FBXO44: variants seen among roughly 807,000 people sequenced by gnomAD.
FBXO44 encodes F-box protein 44.
In FBXO44, 25 loss-of-function variants were observed where a neutral mutation model predicts 33.5. The observed-to-expected ratio is 0.75, with a 90% confidence interval of 0.54 to 1.04. The LOEUF (loss-of-function observed/expected upper bound fraction) is 1.04. Ranked by LOEUF, FBXO44 falls within the 50% of genes least tolerant of loss-of-function variation. The probability of loss-of-function intolerance (pLI) is 0.00; values close to 1 mark genes in which losing one functional copy is unlikely to be tolerated. For synonymous variants in FBXO44, 147 were observed against 152.8 expected (o/e 0.96, Z 0.28); for missense variants, 311 against 344.0 (o/e 0.90, Z 0.76).
At position 11,656,054 on chromosome 1, in the gene FBXO44, C is replaced by A. The variant is rs1639768514; in HGVS notation, c.219C>A (p.Phe73Leu). The change falls in exon 2 of 6, where the codon TTC becomes TTA. Residue 73 changes from phenylalanine to leucine, a missense_variant. Physicochemically the swap from Phe to Leu is conservative, Grantham distance 22 (BLOSUM62 0). Coordinates refer to ENST00000251547, the MANE Select transcript of FBXO44 (RefSeq NM_033182.7). ...TGGCCGACTGGAAGATCTTCTACTT[C>A]TTACGGAGCCTGCACAGGAACCTCC... The part of the protein sequence containing the change: ...QPVADWKIFY[F>L]LRSLHRNLLH... The A allele has an allele frequency of 6.2e-7, 1 of 1,614,072 alleles. No homozygotes were observed. The highest frequency in any genetic ancestry group is 8.5e-7 in the Non-Finnish European group (1 of 1,180,044).
rs777698610 is a variant in FBXO44, at chr1:11,658,308, G to T, written c.307G>T (p.Glu103Ter). ...FWSLDVNGGD[E>*]WKVEDLSRDQ... ...GAGCCTGGATGTGAATGGAGGCGAT[G>T]AGTGGAAGGTGGAGGATCTCTCTCG... The change falls in exon 3 of 6, where the codon GAG becomes TAG. Residue 103 changes from glutamate to a stop codon, truncating the protein, a stop_gained. Transcript: ENST00000251547. LOFTEE classifies it high-confidence loss of function. 1.5e-5 allele frequency: 25 copies of T among 1,613,562 alleles called. No homozygotes were observed. The highest frequency in any genetic ancestry group is 2.0e-5 in the Non-Finnish European group (24 of 1,179,904).
chr1:11,655,699 G>A (rs753637442), intron 1 of FBXO44, 107 bp from the exon 2 acceptor site: 15 of 1,219,694 alleles, frequency 1.2e-5, no homozygotes, highest in Non-Finnish European at 1.7e-5. Flanking sequence ...GACCCCTGGA[G>A]GTAAGGCATC....
chr1:11,655,756 G>A (rs748657901), intron 1 of FBXO44, 50 bp from the exon 2 acceptor site: 7 of 1,559,172 alleles, frequency 4.5e-6, no homozygotes, highest in East Asian at 2.3e-5. Flanking sequence ...ATGCTCTCCC[G>A]AGATAAATGG....
Position 11,658,725 on chromosome 1 carries a change from T to C in FBXO44, c.489-11T>C, listed in dbSNP as rs1331513474. The C allele has an allele frequency of 6.4e-7, 1 of 1,567,600 alleles. No individual in the cohort carries two copies. Among genetic ancestry groups the C allele is most frequent in the Non-Finnish European group, 8.7e-7 (1 of 1,148,480 alleles). ...CTCCGAGGCCCTGATGGGCCCTCCCTCTCCCTGCAGGTTCGCAGCCAGGCC... is the reference window on the plus strand; with the variant it reads ...CTCCGAGGCCCTGATGGGCCCTCCCCCTCCCTGCAGGTTCGCAGCCAGGCC... On this transcript the variant is annotated splice_polypyrimidine_tract_variant and intron_variant, in intron 4 of 5. Transcript: ENST00000251547.
intron 1 of FBXO44, 72 bp downstream of exon 1, chr1:11,655,024 C>G (rs1406562637): frequency 6.6e-6 from 1 of 152,180 alleles, no homozygotes; most frequent in Non-Finnish European, 1.5e-5. Context: ...CGGGAAGGCT[C>G]CTGGGTTCCG....
rs1261691636 is a variant in FBXO44, at chr1:11,661,492, G to C, written c.*219G>C. On this transcript the variant is annotated 3_prime_UTR_variant, in exon 6 of 6. Transcript: ENST00000251547. This position sits in a 1 kb window ranked among gnomAD's most constrained non-coding sequence, Gnocchi z 4.4. ...AGGTCTTGACCTGAATGATGGCCGG[G>C]GAAGCCTGCGTGTGCCCCTTTCAGA... 1.7e-6 allele frequency: 1 copy of C among 593,994 alleles called. No homozygotes were observed. The highest frequency in any genetic ancestry group is 2.8e-6 in the Non-Finnish European group (1 of 354,998). 36.8% of individuals were successfully genotyped at this position (593,994 alleles called of 1,614,324 possible).
upstream of FBXO44, chr1:11,654,771 C>T (rs1639644735): frequency 6.4e-6 from 1 of 156,382 alleles, no homozygotes; most frequent in Non-Finnish European, 1.4e-5. Flanking sequence ...CCCCCCACAC[C>T]AGGTAATTTT....
Position 11,661,020 on chromosome 1 carries a change from C to A in FBXO44, c.625-110C>A. Reference sequence around the variant, plus strand: ...CTAGTTGCAAACTCCTGGGCTCAAACAACCCTCCCACCTCAGCCTCCCAAA... The same window carrying A: ...CTAGTTGCAAACTCCTGGGCTCAAAAAACCCTCCCACCTCAGCCTCCCAAA... On this transcript the variant is annotated intron_variant, in intron 5 of 5. Coordinates refer to ENST00000251547, the MANE Select transcript of FBXO44 (RefSeq NM_033182.7). The surrounding 1 kb of genome is among the most constrained non-coding windows in gnomAD (Gnocchi z 4.4). The A allele has an allele frequency of 8.4e-7, 1 of 1,183,830 alleles. No homozygotes were observed. Among genetic ancestry groups the A allele is most frequent in the South Asian group, 1.5e-5 (1 of 68,090 alleles). The allele number at this position is 1,183,830 out of a possible 1,614,324, so 73.3% of individuals were successfully genotyped here.
chr1:11,658,418 G>A (rs1421124527), intron 3 of FBXO44, 25 bp downstream of exon 3: 22 of 1,613,512 alleles, frequency 1.4e-5, no homozygotes, highest in Non-Finnish European at 1.7e-5. Context: ...CTTGGGGTAG[G>A]GGAAAGCCCA....
chr1:11,657,318 A>C (rs1359519286), intron 2 of FBXO44, among the ~76,000 whole-genome samples: 1 of 152,226 alleles, frequency 6.6e-6, no homozygotes, highest in East Asian at 1.9e-4. Context: ...TCTTAACTCC[A>C]GTTTACAGAG....
At position 11,661,332 on chromosome 1, in the gene FBXO44, G is replaced by A. The variant is rs777723333; in HGVS notation, c.*59G>A. 1.0e-4 allele frequency: 163 copies of A among 1,604,754 alleles called. No individual in the cohort carries two copies. Among genetic ancestry groups the A allele is most frequent in the Non-Finnish European group, 1.4e-4 (159 of 1,173,150 alleles). On this transcript the variant is annotated 3_prime_UTR_variant, in exon 6 of 6. Transcript: ENST00000251547. This position sits in a 1 kb window ranked among gnomAD's most constrained non-coding sequence, Gnocchi z 4.4. Reference sequence around the variant, plus strand: ...TGGTAAACAACTGCTGTCAGAAAAGGGCTGGGCTTGGGAAGGGGAGGTGGA... The same window carrying A: ...TGGTAAACAACTGCTGTCAGAAAAGAGCTGGGCTTGGGAAGGGGAGGTGGA...
chr1:11,661,213 C>A lies in FBXO44; in HGVS notation c.708C>A (p.Ala236=). The A allele has an allele frequency of 6.2e-7, 1 of 1,614,130 alleles. No homozygotes were observed. The highest frequency in any genetic ancestry group is 8.5e-7 in the Non-Finnish European group (1 of 1,180,026). ...QHGGVDTHYW[A]GWYGPRVTNS... ...GCGGCGTGGACACTCATTACTGGGC[C>A]GGCTGGTACGGCCCGAGGGTCACCA... is the stretch of plus-strand genomic sequence containing the variant. The change falls in exon 6 of 6, where the codon GCC becomes GCA. Residue 236 remains alanine (A), a synonymous_variant. Coordinates refer to ENST00000251547, the MANE Select transcript of FBXO44 (RefSeq NM_033182.7). The surrounding 1 kb of genome is among the most constrained non-coding windows in gnomAD (Gnocchi z 4.4).
upstream of FBXO44, chr1:11,654,836 G>A (rs1374863141): frequency 6.8e-6 from 1 of 148,132 alleles, no homozygotes; most frequent in African/African-American, 2.5e-5. Flanking sequence ...GGCGGGGCGC[G>A]GGGCGCGGGG....
chr1:11,660,285 C>T (rs1186097261), intron 5 of FBXO44, among the ~76,000 whole-genome samples: 2 of 152,204 alleles, frequency 1.3e-5, no homozygotes, highest in African/African-American at 4.8e-5. Flanking sequence ...CCTCAGCCTC[C>T]TGAGTAGCTG....
At chr1:11,657,479 C>T (rs1018892321) in intron 2 of FBXO44, among the ~76,000 whole-genome samples, 4 of 152,158 alleles carry the variant, frequency 2.6e-5, no homozygotes, top group African/African-American at 9.7e-5. Context: ...GTGGCTCACA[C>T]CTGTAATCCC....
At position 11,661,095 on chromosome 1, in the gene FBXO44, C is replaced by G; in HGVS notation, c.625-35C>G. On this transcript the variant is annotated intron_variant, in intron 5 of 5. Transcript: ENST00000251547. This position sits in a 1 kb window ranked among gnomAD's most constrained non-coding sequence, Gnocchi z 4.4. ...GCCACACCCAGCCTGAGTCAGCTCCCTTGACCTTTCTCCCCCCTCTACCTG... is the reference window on the plus strand; with the variant it reads ...GCCACACCCAGCCTGAGTCAGCTCCGTTGACCTTTCTCCCCCCTCTACCTG... 1 of 1,593,804 alleles carries G rather than the reference C, an allele frequency of 6.3e-7. No individual in the cohort carries two copies. The highest frequency in any genetic ancestry group is 8.6e-7 in the Non-Finnish European group (1 of 1,165,800).
rs760083786 is a variant in FBXO44, at chr1:11,658,532, G to A, written c.393-1G>A. ...CCTCCCACCCCTCTGCCTGCCCCCA[G>A]CACCTGCCTCAAGTCCCAGGTGGTG... On this transcript the variant is annotated splice_acceptor_variant, in intron 3 of 5. Coordinates refer to ENST00000251547, the MANE Select transcript of FBXO44 (RefSeq NM_033182.7). LOFTEE classifies it high-confidence loss of function. 1.9e-6 allele frequency: 3 copies of A among 1,612,146 alleles called. No individual in the cohort carries two copies. The highest frequency in any genetic ancestry group is 3.3e-5 in the Admixed American group (2 of 59,968).
Position 11,661,142 on chromosome 1 carries a change from T to C in FBXO44, c.637T>C (p.Phe213Leu). ...DAKWREVSHT[F>L]SNYPPGVRYI... ...CCTGCCCTGCCAGGTCTCCCACACA[T>C]TCTCCAACTACCCGCCCGGCGTCCG... The change falls in exon 6 of 6, where the codon TTC becomes CTC. Residue 213 changes from phenylalanine (F) to leucine (L), a missense_variant. By Grantham distance (22) the Phe-to-Leu change is conservative. Coordinates refer to ENST00000251547, the MANE Select transcript of FBXO44 (RefSeq NM_033182.7). This position sits in a 1 kb window ranked among gnomAD's most constrained non-coding sequence, Gnocchi z 4.4. 1.2e-6 allele frequency: 2 copies of C among 1,613,120 alleles called. No individual in the cohort carries two copies. The highest frequency in any genetic ancestry group is 1.7e-6 in the Non-Finnish European group (2 of 1,179,338).
At chr1:11,655,439 A>T (rs1242222071) in intron 1 of FBXO44, 1 of 216,718 alleles carries the variant, frequency 4.6e-6, no homozygotes, top group Non-Finnish European at 9.4e-6. Context: ...AGGATGGGAG[A>T]GAGGATGGTG....
Sources: gnomAD v4.1 joint callset for allele counts (sites outside exome capture counted in the v4.1 genomes callset) on GRCh38, gnomAD v4.1.1 for gene constraint, Gnocchi (gnomAD v3.1) non-coding constraint, MANE v1.5 for transcripts, NCBI Gene and HGNC (gene_info 2026-07-23, HGNC 2026-07-21) for gene names.